The following RANBP2 variants were observed in gnomAD, a reference collection of about 807,000 sequenced individuals.
The protein encoded by RANBP2 is E3 SUMO-protein ligase RanBP2.
RANBP2 carries 57 observed loss-of-function variants against 303.6 expected under a neutral mutation model. The observed-to-expected ratio is 0.19, with a 90% CI of 0.15 to 0.23. RANBP2 has a LOEUF of 0.23. Ranked by LOEUF, RANBP2 falls within the 10% of genes least tolerant of loss-of-function variation. RANBP2 has a pLI of 1.00. For missense variants in RANBP2, 3,138 were observed against 3,780.8 expected (o/e 0.83, Z 4.46); for synonymous variants, 1,167 against 1,301.5 (o/e 0.90, Z 2.23).
At chr2:109,355,097 A>G in the RANBP2 span, among the ~76,000 whole-genome samples, 1 of 152,228 alleles carries the variant, frequency 6.6e-6, no homozygotes, top group Non-Finnish European at 1.5e-5. Flanking sequence ...CCACTGCCAT[A>G]TGGTAACGGC....
the RANBP2 span, among the ~76,000 whole-genome samples, chr2:109,659,350 G>T: frequency 6.6e-6 from 1 of 152,162 alleles, no homozygotes; most frequent in Non-Finnish European, 1.5e-5. Flanking sequence ...ACTCCAGCCT[G>T]GGTGACAGAG....
At chr2:109,135,261 A>G in the RANBP2 span, among the ~76,000 whole-genome samples, 1 of 152,294 alleles carries the variant, frequency 6.6e-6, no homozygotes. Flanking sequence ...TCTGAAGCCC[A>G]CACACAGGAC....
the RANBP2 span, among the ~76,000 whole-genome samples, chr2:109,687,103 T>G: frequency 6.6e-6 from 1 of 152,246 alleles, no homozygotes; most frequent in Non-Finnish European, 1.5e-5. Context: ...TTCCCCCGCA[T>G]AGAGAACATC....
chr2:109,744,033 C>T, the RANBP2 span, among the ~76,000 whole-genome samples: 1 of 101,638 alleles, frequency 9.8e-6, no homozygotes, highest in African/African-American at 2.7e-5. Context: ...CATTGATGGG[C>T]ACCTAAGTTG....
chr2:108,828,196 G>A, the RANBP2 span, among the ~76,000 whole-genome samples: 3 of 151,978 alleles, frequency 2.0e-5, no homozygotes, highest in African/African-American at 7.3e-5. Context: ...AGGTTATCGT[G>A]AAACCATAGA....
At chr2:108,910,751 T>C in the RANBP2 span, 9 of 1,611,312 alleles carry the variant, frequency 5.6e-6, no homozygotes, top group African/African-American at 9.4e-5. Context: ...GTGCACATGG[T>C]GTGTGGAAGC....
At chr2:109,199,602 T>TTAACCC in the RANBP2 span, among the ~76,000 whole-genome samples, 3 of 336 alleles carry the variant, frequency 8.9e-3, no homozygotes, top group Non-Finnish European at 0.022. Flanking sequence ...TGGAATGGAA[T>TTAACCC]GGAATGGAAT....
chr2:109,450,787 G>A, the RANBP2 span, among the ~76,000 whole-genome samples: 1 of 152,358 alleles, frequency 6.6e-6, no homozygotes, highest in South Asian at 2.1e-4. Context: ...TGGGCAAGGA[G>A]CCACTCTGTG....
the RANBP2 span, among the ~76,000 whole-genome samples, chr2:109,453,983 G>A: frequency 6.6e-6 from 1 of 152,224 alleles, no homozygotes; most frequent in Non-Finnish European, 1.5e-5. Context: ...GCTCAGCACT[G>A]CAAAATCTGC....
At chr2:108,780,743 C>A (rs1255632206) in intron 25 of RANBP2, among the ~76,000 whole-genome samples, 1 of 146,220 alleles carries the variant, frequency 6.8e-6, no homozygotes, top group Admixed American at 6.8e-5. Flanking sequence ...GAGTTTCACT[C>A]TTGTTGCCCA....
the RANBP2 span, among the ~76,000 whole-genome samples, chr2:109,134,970 G>A: frequency 6.6e-6 from 1 of 152,200 alleles, no homozygotes; most frequent in Non-Finnish European, 1.5e-5. Flanking sequence ...GAGTGGCCTA[G>A]CTGGCTAACC....
the RANBP2 span, among the ~76,000 whole-genome samples, chr2:109,524,943 T>C: frequency 6.6e-6 from 1 of 152,026 alleles, no homozygotes; most frequent in African/African-American, 2.4e-5. Context: ...AGATCTTCAG[T>C]TATGTTCCTT....
chr2:109,161,983 A>AG, the RANBP2 span, among the ~76,000 whole-genome samples: 2 of 152,098 alleles, frequency 1.3e-5, no homozygotes, highest in African/African-American at 2.4e-5. Context: ...AGGTGTCTAA[A>AG]GCGTAGATGG....
chr2:108,782,420 A>G lies in RANBP2; in HGVS notation c.9034+19A>G. On this transcript the variant is annotated intron_variant, in intron 27 of 28. Coordinates refer to ENST00000283195, the MANE Select transcript of RANBP2 (RefSeq NM_006267.5). ...TATGCTGGTGAGTTTTTACATTCAAATGCTACTTTTCATTTTTTGGACTTT... is the reference window on the plus strand; with the variant it reads ...TATGCTGGTGAGTTTTTACATTCAAGTGCTACTTTTCATTTTTTGGACTTT... 6.2e-7 allele frequency: 1 copy of G among 1,613,858 alleles called. No homozygotes were observed. The highest frequency in any genetic ancestry group is 1.3e-5 in the African/African-American group (1 of 75,058).
the RANBP2 span, among the ~76,000 whole-genome samples, chr2:109,702,648 C>A: frequency 6.6e-6 from 1 of 152,210 alleles, no homozygotes; most frequent in South Asian, 2.1e-4. Context: ...AGCGTTCCTT[C>A]TATTCTGACC....
chr2:108,967,330 C>T, the RANBP2 span, among the ~76,000 whole-genome samples: 6 of 152,136 alleles, frequency 3.9e-5, no homozygotes, highest in Non-Finnish European at 7.4e-5. Context: ...ATATCAAAGG[C>T]TAGAATTTTT....
chr2:109,346,440 G>C, the RANBP2 span, among the ~76,000 whole-genome samples: 3 of 152,158 alleles, frequency 2.0e-5, no homozygotes, highest in African/African-American at 7.2e-5. Context: ...CCTTGGCATA[G>C]GCAGCCCTGG....
rs1558944272 is a variant in RANBP2 at position 108,783,672 on chromosome 2, A to T, written c.9446A>T (p.Asp3149Val). Reference sequence around the variant, plus strand: ...GACAAATTTGAAGATGAAAATTTTGATGTGAAACATACTGGTCCTGGTTTA... The same window carrying T: ...GACAAATTTGAAGATGAAAATTTTGTTGTGAAACATACTGGTCCTGGTTTA... ...YGDKFEDENF[D>V]VKHTGPGLLS... The change falls in exon 29 of 29, where the codon GAT becomes GTT. Residue 3149 changes from aspartate (D) to valine (V), a missense_variant. Physicochemically the swap from Asp to Val is radical, Grantham distance 152. This residue lies in a region of RANBP2 where 204 missense variants were observed against 228.4 expected (regional missense o/e 0.89). Coordinates refer to ENST00000283195, the MANE Select transcript of RANBP2 (RefSeq NM_006267.5). 3 of 1,610,518 alleles carry T rather than the reference A, an allele frequency of 1.9e-6. No homozygotes were observed. Among genetic ancestry groups the T allele is most frequent in the African/African-American group, 1.3e-5 (1 of 74,968 alleles).
At chr2:109,623,985 TACA>T in the RANBP2 span, among the ~76,000 whole-genome samples, 1 of 152,184 alleles carries the variant, frequency 6.6e-6, no homozygotes, top group Non-Finnish European at 1.5e-5. Flanking sequence ...CATTTAATTT[TACA>T]ACAACGTGAT....
Sources: allele counts gnomAD v4.1 joint callset (sites outside exome capture counted in the v4.1 genomes callset), GRCh38; gene constraint gnomAD v4.1.1; regional missense constraint gnomAD v4.1.1; transcripts MANE v1.5; gene names NCBI Gene and HGNC (gene_info 2026-07-23, HGNC 2026-07-21).